The following TRIM46 variants were observed in gnomAD, a reference collection of about 807,000 sequenced individuals.
The protein encoded by TRIM46 is tripartite motif containing 46.
A neutral mutation model predicts 69.7 loss-of-function variants in TRIM46; 17 were observed. The ratio of observed to expected loss-of-function variants is 0.24; its 90% confidence interval spans 0.17 to 0.37. The LOEUF is 0.37. Among genes scored for constraint, TRIM46 ranks in the 10% least tolerant of loss-of-function variants. The pLI, the probability that TRIM46 is intolerant of heterozygous loss-of-function variation, is 1.00. For synonymous variants in TRIM46, 391 were observed against 429.0 expected (o/e 0.91, Z 1.09); for missense variants, 675 against 1,025.1 (o/e 0.66, Z 4.66).
chr1:155,175,747 TG>T lies in TRIM46; in HGVS notation c.325+106del, dbSNP rs762954747. The T allele has an allele frequency of 2.5e-6, 4 of 1,599,300 alleles. No homozygotes were observed. Among genetic ancestry groups the T allele is most frequent in the South Asian group, 2.2e-5 (2 of 90,774 alleles). Reference sequence around the variant, plus strand: ...GGTCAGAGGCATCTGTCTGTCTTTCTGGGGGGTGGAGATACTGCTTACGCAG... The same window carrying T: ...GGTCAGAGGCATCTGTCTGTCTTTCTGGGGGTGGAGATACTGCTTACGCAG... On this transcript the variant is annotated intron_variant, in intron 2 of 9. Coordinates refer to ENST00000334634, the MANE Select transcript of TRIM46 (RefSeq NM_025058.5). The surrounding 1 kb of genome is among the most constrained non-coding windows in gnomAD (Gnocchi z 4.2).
Position 155,179,661 on chromosome 1 carries a change from C to A in TRIM46, c.1315C>A (p.Arg439Ser). The change falls in exon 8 of 10, where the codon CGC (arginine) becomes AGC (serine). Residue 439 changes from arginine (R) to serine (S), a missense_variant. Physicochemically the swap from Arg to Ser is moderately radical, Grantham distance 110. This residue lies in a region of TRIM46 where 361 missense variants were observed against 498.3 expected (regional missense o/e 0.72). Transcript: ENST00000334634. ...TGAGGCCCCCGTCATTGACACCCAG[C>A]GCACCTTTGCCTATGATCAGATCTT... is the stretch of plus-strand genomic sequence containing the variant. The part of the protein sequence containing the change: ...VPEAPVIDTQ[R>S]TFAYDQIFLC... 1.2e-6 allele frequency: 2 copies of A among 1,610,022 alleles called. No individual in the cohort carries two copies. The highest frequency in any genetic ancestry group is 1.7e-6 in the Non-Finnish European group (2 of 1,177,714).
intron 4 of TRIM46, 32 bp downstream of exon 4, chr1:155,177,107 AAC>A: frequency 1.2e-6 from 2 of 1,613,078 alleles, no homozygotes; most frequent in Non-Finnish European, 1.7e-6. Context: ...CCCTAGTGCT[AAC>A]TCACACTCTT....
At position 155,175,986 on chromosome 1, in the gene TRIM46, C is replaced by T. The variant is rs200794260; in HGVS notation, c.424C>T (p.Arg142Trp). Reference sequence around the variant, plus strand: ...CCAAGGTGATGTGGAGCTTGGGGAGCGGGGTCTGGCAGGGCTTTTCCGGAA... The same window carrying T: ...CCAAGGTGATGTGGAGCTTGGGGAGTGGGGTCTGGCAGGGCTTTTCCGGAA... The part of the protein sequence containing the change: ...ACQGDVELGE[R>W]GLAGLFRNLT... The change falls in exon 3 of 10, where the codon CGG becomes TGG. Residue 142 changes from arginine to tryptophan, a missense_variant. Around this residue, in one of 5 missense-constraint regions of TRIM46, gnomAD observed 170 missense variants for 255.6 expected, o/e 0.67. Transcript: ENST00000334634. The surrounding 1 kb of genome is among the most constrained non-coding windows in gnomAD (Gnocchi z 4.2). 128 of 1,613,278 alleles carry T rather than the reference C, an allele frequency of 7.9e-5. No homozygotes were observed. The highest frequency in any genetic ancestry group is 2.0e-4 in the Admixed American group (12 of 59,968).
Position 155,179,648 on chromosome 1 carries a change from C to T in TRIM46, c.1302C>T (p.Val434=), listed in dbSNP as rs541041708. 8.7e-6 allele frequency: 14 copies of T among 1,602,894 alleles called. No homozygotes were observed. In the East Asian group the frequency reaches 3.1e-4, roughly 36 times the overall value. Residue 434 remains valine (V), a synonymous_variant, in exon 8 of 10, where the codon GTC becomes GTT. Coordinates refer to ENST00000334634, the MANE Select transcript of TRIM46 (RefSeq NM_025058.5). ...TTCCAACAGTGCCTGAGGCCCCCGT[C>T]ATTGACACCCAGCGCACCTTTGCCT... is the stretch of plus-strand genomic sequence containing the variant. The part of the protein sequence containing the change: ...LNFLRVPEAP[V]IDTQRTFAYD...
At chr1:155,178,894 C>T (rs1351299440) in intron 7 of TRIM46, 2 of 1,337,784 alleles carry the variant, frequency 1.5e-6, no homozygotes, top group African/African-American at 1.5e-5. Flanking sequence ...GCCGGGCCCC[C>T]TTCCCACCCC....
In TRIM46 at chr1:155,184,301, T is replaced by C; in HGVS notation, c.*111T>C. 2 of 1,189,012 alleles carry C rather than the reference T, an allele frequency of 1.7e-6. No homozygotes were observed. The highest frequency in any genetic ancestry group is 2.3e-6 in the Non-Finnish European group (2 of 872,956). The allele number at this position is 1,189,012 out of a possible 1,614,324, so 73.7% of individuals were successfully genotyped here. ...GCTTCTCCCCCAAACTCTCCTACCA[T>C]GTGGCCCTGCTCCTTCTCCCGTGTC... On this transcript the variant is annotated 3_prime_UTR_variant, in exon 10 of 10. Coordinates refer to ENST00000334634, the MANE Select transcript of TRIM46 (RefSeq NM_025058.5). The surrounding 1 kb of genome is among the most constrained non-coding windows in gnomAD (Gnocchi z 5.6).
In TRIM46 at chr1:155,181,988, C is replaced by T. The variant is rs1225160215; in HGVS notation, c.1725C>T (p.His575=). 1.2e-6 allele frequency: 2 copies of T among 1,613,750 alleles called. No homozygotes were observed. The highest frequency in any genetic ancestry group is 1.1e-5 in the South Asian group (1 of 91,076). ...LAADRLLTGC[H]LSVDVVLGDV... is the part of the protein sequence containing the mutation. ...CTGACCGGCTGCTGACCGGCTGCCA[C>T]CTGAGTGTGGATGTGGTCCTGGGCG... The change falls in exon 9 of 10, where the codon CAC becomes CAT. Residue 575 remains histidine (H), a synonymous_variant. Coordinates refer to ENST00000334634, the MANE Select transcript of TRIM46 (RefSeq NM_025058.5). This position sits in a 1 kb window ranked among gnomAD's most constrained non-coding sequence, Gnocchi z 4.3.
rs770100955 is a variant in TRIM46, at chr1:155,176,075, G to A, written c.513G>A (p.Leu171=). Residue 171 remains leucine, a synonymous_variant, in exon 3 of 10, where the codon CTG becomes CTA. Transcript: ENST00000334634. ...GTGTGAGTGTGGGAGGTGCCATCCT[G>A]TGCCAGTTGTGCAAGCCCCCACCAC... ...RQSVSVGGAI[L]CQLCKPPPLE... 6 of 1,614,142 alleles carry A rather than the reference G, an allele frequency of 3.7e-6. No individual in the cohort carries two copies. In the South Asian group the frequency reaches 5.5e-5, roughly 15 times the overall value.
In TRIM46 at chr1:155,184,442, A is replaced by G. The variant is rs527353195; in HGVS notation, c.*252A>G. The G allele has an allele frequency of 1.2e-3, 582 of 505,700 alleles. 13 individuals carry two copies. The South Asian group carries it at 0.015, about 13-fold the overall frequency. The allele number at this position is 505,700 out of a possible 1,614,324, so 31.3% of individuals were successfully genotyped here. A position where few individuals can be genotyped will look rare whatever the true frequency, so the allele number is the denominator to read the frequency against. On this transcript the variant is annotated 3_prime_UTR_variant, in exon 10 of 10. Coordinates refer to ENST00000334634, the MANE Select transcript of TRIM46 (RefSeq NM_025058.5). This position sits in a 1 kb window ranked among gnomAD's most constrained non-coding sequence, Gnocchi z 5.6. ...CCCCCACCCCCACTGAGTCTGCCCT[A>G]TGACCTGCCTTTGGCATGTTACCCA...
At position 155,183,800 on chromosome 1, in the gene TRIM46, C is replaced by T. The variant is rs141892865; in HGVS notation, c.1890C>T (p.Tyr630=). The change falls in exon 10 of 10, where the codon TAC becomes TAT. Residue 630 remains tyrosine, a synonymous_variant. Transcript: ENST00000334634. ...TCCCCAACACCCGCTTCTGCAGGTA[C>T]GACCCGGACAGCGGGCACGACAGCG... ...QGAPDVISPR[Y]DPDSGHDSGA... 4.3e-5 allele frequency: 69 copies of T among 1,601,610 alleles called. No homozygotes were observed. Among genetic ancestry groups the T allele is most frequent in the South Asian group, 7.7e-5 (7 of 91,012 alleles).
Position 155,184,168 on chromosome 1 carries a change from G to C in TRIM46, c.2258G>C (p.Gly753Ala). Residue 753 changes from glycine to alanine, a missense_variant, in exon 10 of 10, where the codon GGG becomes GCG. Physicochemically the swap from Gly to Ala is moderately conservative, Grantham distance 60. This residue lies in a region of TRIM46 where 108 missense variants were observed against 153.0 expected (regional missense o/e 0.71). Transcript: ENST00000334634. The surrounding 1 kb of genome is among the most constrained non-coding windows in gnomAD (Gnocchi z 5.6). ...GTKPERKVTI[G>A]GFAKLD The stretch of plus-strand genomic sequence containing the variant: ...AAGCCTGAGAGGAAAGTCACCATTG[G>C]GGGCTTCGCCAAGCTGGACTGAGCC... 4 of 1,611,478 alleles carry C rather than the reference G, an allele frequency of 2.5e-6. No individual in the cohort carries two copies. Among genetic ancestry groups the C allele is most frequent in the Non-Finnish European group, 3.4e-6 (4 of 1,178,848 alleles).
At chr1:155,177,506 TGCTCGAAAAACCCCATGCATA>T (rs1338239093) in intron 5 of TRIM46, among the ~76,000 whole-genome samples, 31 of 151,832 alleles carry the variant, frequency 2.0e-4, no homozygotes, top group African/African-American at 4.3e-4. Context: ...CTCAGGAGAG[TGCTCGAAAAACCCCATGCATA>T]GCTCAAAAAA....
In TRIM46 at chr1:155,179,791, G is replaced by A. The variant is rs376526448; in HGVS notation, c.1445G>A (p.Arg482Gln). 286 of 1,612,590 alleles carry A rather than the reference G, an allele frequency of 1.8e-4. No homozygotes were observed. The highest frequency in any genetic ancestry group is 2.3e-4 in the Non-Finnish European group (275 of 1,179,764). Residue 482 changes from arginine (R) to glutamine (Q), a missense_variant, in exon 8 of 10, where the codon CGG becomes CAG. Transcript: ENST00000334634. ...PAQPGPTRWQ[R>Q]REEVRGTSAL... ...CAGCCAGGCCCCACCCGCTGGCAGC[G>A]GCGGGAGGAGGTGAGGGGCACCAGT...
Position 155,183,862 on chromosome 1 carries a change from T to C in TRIM46, c.1952T>C (p.Phe651Ser). 6.2e-7 allele frequency: 1 copy of C among 1,612,514 alleles called. No homozygotes were observed. The highest frequency in any genetic ancestry group is 8.5e-7 in the Non-Finnish European group (1 of 1,180,012). Residue 651 changes from phenylalanine to serine, a missense_variant, in exon 10 of 10, where the codon TTC becomes TCC. Transcript: ENST00000334634. The stretch of plus-strand genomic sequence containing the variant: ...GCCACAGTGGAGGCGTCGCCACCCT[T>C]CGCTTTCCTAACCATTGGCATGGGC... ...EDATVEASPPFAFLTIGMGKI... is the reference protein window; with the variant it reads ...EDATVEASPPSAFLTIGMGKI...
At chr1:155,183,140 G>A (rs931911033) in intron 9 of TRIM46, among the ~76,000 whole-genome samples, 7 of 151,794 alleles carry the variant, frequency 4.6e-5, no homozygotes, top group Admixed American at 3.3e-4. Context: ...TCAATCTCCT[G>A]ACCTCGTGAT....
In TRIM46 at chr1:155,182,133, G is replaced by A. The variant is rs1184171308; in HGVS notation, c.1870G>A (p.Asp624Asn). 3.1e-6 allele frequency: 5 copies of A among 1,613,990 alleles called. No individual in the cohort carries two copies. The highest frequency in any genetic ancestry group is 2.2e-5 in the East Asian group (1 of 44,876). Residue 624 changes from aspartate (D) to asparagine (N), a missense_variant, in exon 9 of 10, where the codon GAT becomes AAT. This residue lies in a region of TRIM46 where 35 missense variants were observed against 99.3 expected (regional missense o/e 0.35). Transcript: ENST00000334634. ...KLQESFQGAP[D>N]VISPRYDPDS... is the part of the protein sequence containing the mutation. ...TCAAGAAAGTTTCCAGGGTGCCCCC[G>A]ATGTGATCAGCCCCAGGTCAGACCC...
intron 9 of TRIM46, among the ~76,000 whole-genome samples, chr1:155,183,209 C>T (rs1666315873): frequency 6.6e-6 from 1 of 152,070 alleles, no homozygotes; most frequent in South Asian, 2.1e-4. Flanking sequence ...TGTGCCTGGC[C>T]CCAACTCCCT....
chr1:155,178,568 G>T lies in TRIM46; in HGVS notation c.1240G>T (p.Val414Leu), dbSNP rs747314139. 6.2e-7 allele frequency: 1 copy of T among 1,614,060 alleles called. No individual in the cohort carries two copies. The highest frequency in any genetic ancestry group is 2.2e-5 in the East Asian group (1 of 44,878). The change falls in exon 7 of 10, where the codon GTG becomes TTG. Residue 414 changes from valine to leucine, a missense_variant. Around this residue, in one of 5 missense-constraint regions of TRIM46, gnomAD observed 361 missense variants for 498.3 expected, o/e 0.72. Transcript: ENST00000334634. ...SSSFRHCQLD[V>L]GREMKLLTEL... Reference sequence around the variant, plus strand: ...CTCCTTCCGCCATTGCCAGCTCGACGTGGGACGTGAGATGAAGCTGCTGAC... The same window carrying T: ...CTCCTTCCGCCATTGCCAGCTCGACTTGGGACGTGAGATGAAGCTGCTGAC...
At chr1:155,180,096 G>A (rs886765730) in intron 8 of TRIM46, among the ~76,000 whole-genome samples, 162 bp downstream of exon 8, 2 of 152,258 alleles carry the variant, frequency 1.3e-5, no homozygotes, top group African/African-American at 4.8e-5. Flanking sequence ...TCCCAGCTCT[G>A]CCTCTTGCCA....
Sources: gnomAD v4.1 joint callset for allele counts (sites outside exome capture counted in the v4.1 genomes callset) on GRCh38, gnomAD v4.1.1 for gene constraint, gnomAD v4.1.1 regional missense constraint, Gnocchi (gnomAD v3.1) non-coding constraint, MANE v1.5 for transcripts, NCBI Gene and HGNC (gene_info 2026-07-23, HGNC 2026-07-21) for gene names.